The following ADARB2 variants were observed in gnomAD, a reference collection of about 807,000 sequenced individuals.
The protein encoded by ADARB2 is inactive double-stranded RNA-specific editase B2.
ADARB2 carries 25 observed loss-of-function variants against 62.2 expected under a neutral mutation model. The observed-to-expected ratio is 0.40, with a 90% CI of 0.29 to 0.56. The LOEUF (loss-of-function observed/expected upper bound fraction) is 0.56. Among genes scored for constraint, ADARB2 ranks in the 20% least tolerant of loss-of-function variants. The pLI is 0.43. For missense variants in ADARB2, 1,071 were observed against 1,077.4 expected (o/e 0.99, Z 0.08); for synonymous variants, 572 against 500.8 (o/e 1.14, Z -1.90).
At chr10:1,215,973 CAG>C (rs1002039530) in intron 7 of ADARB2, 3 of 151,132 alleles carry the variant, frequency 2.0e-5, no homozygotes, top group Non-Finnish European at 4.4e-5. Context: ...GGGGAGGCCT[CAG>C]GGCATCAGAG....
chr10:1,718,331 C>T (rs1477382658), intron 1 of ADARB2, among the ~76,000 whole-genome samples: 1 of 152,188 alleles, frequency 6.6e-6, no homozygotes, highest in African/African-American at 2.4e-5. Context: ...GAACGTGGTC[C>T]CACCCACATG....
chr10:1,736,139 G>A (rs574836635), intron 1 of ADARB2, among the ~76,000 whole-genome samples: 40 of 152,248 alleles, frequency 2.6e-4, no homozygotes, highest in African/African-American at 9.6e-4. Context: ...TCTCCTGCAG[G>A]CTCACTAGGA....
chr10:1,459,341 G>A (rs538923437), intron 1 of ADARB2, among the ~76,000 whole-genome samples: 1 of 152,342 alleles, frequency 6.6e-6, no homozygotes, highest in African/African-American at 2.4e-5. Context: ...GTACTATGCA[G>A]CCCTAAACAA....
intron 1 of ADARB2, among the ~76,000 whole-genome samples, chr10:1,571,565 T>A (rs1588306812): frequency 2.0e-5 from 3 of 152,332 alleles, no homozygotes; most frequent in East Asian, 1.9e-4. Flanking sequence ...GCCAGATACG[T>A]GGGTATCAGG....
At chr10:1,337,354 A>G (rs1173314085) in intron 3 of ADARB2, among the ~76,000 whole-genome samples, 1 of 152,180 alleles carries the variant, frequency 6.6e-6, no homozygotes, top group Non-Finnish European at 1.5e-5. Flanking sequence ...CACTCACCTT[A>G]GATGGCAGGC....
chr10:1,380,949 A>C (rs1225607614), intron 1 of ADARB2, among the ~76,000 whole-genome samples: 1 of 152,272 alleles, frequency 6.6e-6, no homozygotes, highest in Non-Finnish European at 1.5e-5. Context: ...AAACACTCAC[A>C]AAAATGCACT....
At chr10:1,355,428 G>A (rs923414013) in intron 3 of ADARB2, among the ~76,000 whole-genome samples, 4 of 152,168 alleles carry the variant, frequency 2.6e-5, no homozygotes, top group South Asian at 2.1e-4. Context: ...TCAGGTCTCC[G>A]GAAACTCAAC....
intron 1 of ADARB2, among the ~76,000 whole-genome samples, chr10:1,652,796 C>T (rs907691671): frequency 1.4e-4 from 21 of 152,152 alleles, no homozygotes; most frequent in Non-Finnish European, 2.4e-4. Flanking sequence ...TGTGCTTTCA[C>T]TCCAAGATTT....
chr10:1,658,432 C>G (rs1389025066), intron 1 of ADARB2, among the ~76,000 whole-genome samples: 2 of 152,018 alleles, frequency 1.3e-5, no homozygotes, highest in South Asian at 2.1e-4. Context: ...GTCTGATTCT[C>G]TCTGTTTTTC....
At chr10:1,438,398 C>G (rs1321224212) in intron 1 of ADARB2, among the ~76,000 whole-genome samples, 1 of 147,298 alleles carries the variant, frequency 6.8e-6, no homozygotes, top group Non-Finnish European at 1.5e-5. Context: ...CATGGGGCTC[C>G]TGAGTCTCCT....
At chr10:1,354,622 G>T (rs1832176343) in intron 3 of ADARB2, among the ~76,000 whole-genome samples, 2 of 152,222 alleles carry the variant, frequency 1.3e-5, no homozygotes. Flanking sequence ...GGGGCTCAGG[G>T]GAGAGGGATC....
chr10:1,340,643 G>A (rs1162791517), intron 3 of ADARB2, among the ~76,000 whole-genome samples: 4 of 45,656 alleles, frequency 8.8e-5, no homozygotes, highest in African/African-American at 1.7e-4. Flanking sequence ...ACCCCACAGC[G>A]GCAATAACCG....
At chr10:1,303,998 T>C (rs1226789507) in intron 3 of ADARB2, among the ~76,000 whole-genome samples, 1 of 152,110 alleles carries the variant, frequency 6.6e-6, no homozygotes, top group Non-Finnish European at 1.5e-5. Flanking sequence ...AACATCATAA[T>C]GACAGGATCA....
chr10:1,627,804 C>A (rs1833790433), intron 1 of ADARB2, among the ~76,000 whole-genome samples: 4 of 152,202 alleles, frequency 2.6e-5, no homozygotes, highest in Admixed American at 2.6e-4. Flanking sequence ...TATACAAAAT[C>A]AAATAAAACC....
rs1482494445 is a variant in ADARB2 at position 1,178,838 on chromosome 10, A to C, written c.*4355T>G. 6.6e-6 allele frequency: 1 copy of C among 152,166 alleles called. No homozygotes were observed. The highest frequency in any genetic ancestry group is 1.5e-5 in the Non-Finnish European group (1 of 68,016). The allele number at this position is 152,166 out of a possible 1,614,324, so 9.4% of individuals were successfully genotyped here. On this transcript the variant is annotated 3_prime_UTR_variant, in exon 10 of 10. Transcript: ENST00000381312. ...CCTCCCTGAGGGCCGCGGGAAGCCCACAGAGCCTCACCGGGTTCTGTTGGG... is the reference window on the plus strand; with the variant it reads ...CCTCCCTGAGGGCCGCGGGAAGCCCCCAGAGCCTCACCGGGTTCTGTTGGG...
chr10:1,581,792 C>A (rs542793768), intron 1 of ADARB2, among the ~76,000 whole-genome samples: 3 of 151,882 alleles, frequency 2.0e-5, no homozygotes, highest in Admixed American at 6.6e-5. Context: ...GACACAGATG[C>A]ACCCAGATAG....
chr10:1,667,001 A>T (rs1834324786), intron 1 of ADARB2, among the ~76,000 whole-genome samples: 1 of 152,232 alleles, frequency 6.6e-6, no homozygotes, highest in Admixed American at 6.5e-5. Flanking sequence ...TACTAAAAAC[A>T]TAGAGGGTTT....
chr10:1,310,380 CTCTGAATAACATTCCTTCAT>C lies in ADARB2; in HGVS notation c.1078-39331_1078-39312del, dbSNP rs1337481340. On this transcript the variant is annotated intron_variant, in intron 3 of 9. Coordinates refer to ENST00000381312, the MANE Select transcript of ADARB2 (RefSeq NM_018702.4). The stretch of plus-strand genomic sequence containing the variant: ...GAATCAATGAGAAAAACTTCATTGA[CTCTGAATAACATTCCTTCAT>C]TGACTCTGAATAACATTCCTTCATT... 3.8e-4 allele frequency among the ~76,000 whole-genome samples: 54 copies of C among 143,116 alleles called. 2 individuals are homozygous for C. The highest frequency in any genetic ancestry group is 1.3e-3 in the East Asian group (7 of 5,190). The allele number at this position is 143,116 out of a possible 152,430, so 93.9% of individuals were successfully genotyped here. A position where few individuals can be genotyped will look rare whatever the true frequency, so the allele number is the denominator to read the frequency against.
chr10:1,669,253 T>A (rs1312906038), intron 1 of ADARB2, among the ~76,000 whole-genome samples: 1 of 152,064 alleles, frequency 6.6e-6, no homozygotes, highest in Non-Finnish European at 1.5e-5. Context: ...CCTGAGGAGA[T>A]GATACCACGC....
Sources: allele counts gnomAD v4.1 joint callset (sites outside exome capture counted in the v4.1 genomes callset), GRCh38; gene constraint gnomAD v4.1.1; transcripts MANE v1.5; gene names NCBI Gene and HGNC (gene_info 2026-07-23, HGNC 2026-07-21).